Variants in SARAF observed in about 807,000 individuals in gnomAD.
SARAF encodes store-operated calcium entry-associated regulatory factor.
In SARAF, 23 loss-of-function variants were observed where a neutral mutation model predicts 39.7. The ratio of observed to expected loss-of-function variants is 0.58; its 90% CI spans 0.42 to 0.82. The LOEUF is 0.82. SARAF is among the 40% of genes least tolerant of loss of function. The probability of loss-of-function intolerance (pLI) is 0.00; values close to 1 mark genes in which losing one functional copy is unlikely to be tolerated. For missense variants in SARAF, 384 were observed against 418.5 expected (o/e 0.92, Z 0.72); for synonymous variants, 175 against 168.5 (o/e 1.04, Z -0.30).
At chr8:30,064,930 A>C (rs1314220003) in intron 5 of SARAF, among the ~76,000 whole-genome samples, 2 of 151,890 alleles carry the variant, frequency 1.3e-5, no homozygotes. Flanking sequence ...CTACTATCTC[A>C]TACTCTAACA....
intron 5 of SARAF, among the ~76,000 whole-genome samples, chr8:30,064,483 T>C (rs1306891340): frequency 1.3e-5 from 2 of 149,562 alleles, no homozygotes; most frequent in Non-Finnish European, 3.0e-5. Flanking sequence ...TTTATGCAAG[T>C]CTTCTTTCCA....
At chr8:30,081,896 A>G (rs1802107997) in intron 1 of SARAF, among the ~76,000 whole-genome samples, 1 of 152,224 alleles carries the variant, frequency 6.6e-6, no homozygotes, top group African/African-American at 2.4e-5. Context: ...GTACTGACAT[A>G]AAAGAACCTC....
intron 5 of SARAF, among the ~76,000 whole-genome samples, chr8:30,064,165 C>G (rs991958331): frequency 1.9e-4 from 29 of 152,074 alleles, no homozygotes; most frequent in African/African-American, 7.0e-4. Context: ...AAAGAGAATG[C>G]ATTCTATAGT....
intron 1 of SARAF, among the ~76,000 whole-genome samples, chr8:30,080,359 T>C (rs1438601473): frequency 6.6e-6 from 1 of 152,206 alleles, no homozygotes; most frequent in African/African-American, 2.4e-5. Context: ...TAATTTCAGG[T>C]CATTTACTCC....
At chr8:30,078,175 A>G in intron 1 of SARAF, 1 of 272,352 alleles carries the variant, frequency 3.7e-6, no homozygotes, top group Non-Finnish European at 7.0e-6. Context: ...AAAAGACAGT[A>G]GGAGGAAAAA....
intron 3 of SARAF, among the ~76,000 whole-genome samples, chr8:30,067,288 C>G (rs1307627887): frequency 6.6e-6 from 1 of 152,206 alleles, no homozygotes; most frequent in Non-Finnish European, 1.5e-5. Context: ...GTGCCTCAGT[C>G]TCTAACCGAG....
Position 30,066,105 on chromosome 8 carries a change from G to T in SARAF, c.877C>A (p.Pro293Thr). The T allele has an allele frequency of 6.2e-7, 1 of 1,614,138 alleles. No individual in the cohort carries two copies. Among genetic ancestry groups the T allele is most frequent in the Non-Finnish European group, 8.5e-7 (1 of 1,180,026 alleles). The stretch of plus-strand genomic sequence containing the variant: ...CCAGGGTAGGAGGGAGGATAGGACG[G>T]GTAGTACCACGAGTCTGAGAAGGGT... The part of the protein sequence containing the change: ...ATPFSDSWYY[P>T]SYPPSYPGTW... The change falls in exon 5 of 6, where the codon CCG (proline) becomes ACG (threonine). Residue 293 changes from proline to threonine, a missense_variant. Pro to Thr is a conservative substitution (Grantham distance 38). Coordinates refer to ENST00000256255, the MANE Select transcript of SARAF (RefSeq NM_016127.6).
intron 2 of SARAF, among the ~76,000 whole-genome samples, chr8:30,072,724 G>T (rs1304302397): frequency 6.6e-6 from 1 of 152,124 alleles, no homozygotes; most frequent in Admixed American, 6.6e-5. Context: ...ACACTCCTTT[G>T]CTCATGCTAT....
intron 1 of SARAF, among the ~76,000 whole-genome samples, chr8:30,079,757 G>C (rs1024878434): frequency 2.0e-5 from 3 of 152,176 alleles, no homozygotes; most frequent in Non-Finnish European, 4.4e-5. Context: ...CTGAGTACTT[G>C]AAGCATAACA....
rs891861906 is a variant in SARAF at position 30,082,709 on chromosome 8, C to A, written c.103+138G>T. 13 of 612,096 alleles carry A rather than the reference C, an allele frequency of 2.1e-5. No individual in the cohort carries two copies. The South Asian group carries it at 2.9e-4, about 14-fold the overall frequency. 37.9% of individuals were successfully genotyped at this position (612,096 alleles called of 1,614,324 possible). On this transcript the variant is annotated intron_variant, in intron 1 of 5. Transcript: ENST00000256255. ...GCAGTGGAACCAGGGAGAGCACGAA[C>A]AGCAAAGAGGTCAGACATGGGGAAT...
At chr8:30,064,555 ATATATATT>A (rs1173709005) in intron 5 of SARAF, among the ~76,000 whole-genome samples, 1 of 52,506 alleles carries the variant, frequency 1.9e-5, no homozygotes, top group Non-Finnish European at 3.1e-5. Context: ...ATATATATAT[ATATATATT>A]TTTTTTTTTT....
chr8:30,080,333 C>T (rs1214266515), intron 1 of SARAF, among the ~76,000 whole-genome samples: 1 of 152,172 alleles, frequency 6.6e-6, no homozygotes, highest in African/African-American at 2.4e-5. Flanking sequence ...CCCAAATGAG[C>T]CTTTAAAGAT....
intron 1 of SARAF, among the ~76,000 whole-genome samples, chr8:30,075,439 G>A (rs1801936272): frequency 6.6e-6 from 1 of 152,214 alleles, no homozygotes. Flanking sequence ...AAACAGGTAT[G>A]CCTTCCTGCA....
At chr8:30,071,784 C>A (rs6997212) in intron 2 of SARAF, among the ~76,000 whole-genome samples, 3,552 of 152,206 alleles carry the variant, frequency 0.023, 142 homozygotes, top group African/African-American at 0.081. Flanking sequence ...GCATGTATTA[C>A]TATTTCACTT....
intron 2 of SARAF, 53 bp downstream of exon 2, chr8:30,073,824 A>T: frequency 6.6e-7 from 1 of 1,526,390 alleles, no homozygotes; most frequent in East Asian, 2.3e-5. Context: ...CCCAATAAAC[A>T]ATTTACTGAA....
At chr8:30,065,006 GTATA>G (rs1801651211) in intron 5 of SARAF, among the ~76,000 whole-genome samples, 1 of 152,020 alleles carries the variant, frequency 6.6e-6, no homozygotes, top group East Asian at 1.9e-4. Flanking sequence ...TCATCATAGT[GTATA>G]TATTATTTTG....
chr8:30,066,455 C>T (rs1801695763), intron 4 of SARAF, among the ~76,000 whole-genome samples: 1 of 152,132 alleles, frequency 6.6e-6, no homozygotes, highest in South Asian at 2.1e-4. Flanking sequence ...TTATTTTTAT[C>T]ATTCTCCTAC....
chr8:30,072,892 A>C (rs16876419), intron 2 of SARAF, among the ~76,000 whole-genome samples: 15,932 of 152,220 alleles, frequency 0.1, 901 homozygotes, highest in East Asian at 0.21. Flanking sequence ...TACCTCTTCT[A>C]CTAGTAAGAC....
chr8:30,072,447 GTTT>G (rs1801867729), intron 2 of SARAF, among the ~76,000 whole-genome samples: 1 of 152,158 alleles, frequency 6.6e-6, no homozygotes, highest in Admixed American at 6.5e-5. Context: ...ATAAGATGCA[GTTT>G]TTCTTTTGTT....
Sources: gnomAD v4.1 joint callset for allele counts (sites outside exome capture counted in the v4.1 genomes callset) on GRCh38, gnomAD v4.1.1 for gene constraint, MANE v1.5 for transcripts, NCBI Gene and HGNC (gene_info 2026-07-23, HGNC 2026-07-21) for gene names.